The following IGF2BP3 variants were observed in gnomAD, a reference collection of about 807,000 sequenced individuals.
The protein encoded by IGF2BP3 is insulin like growth factor 2 mRNA binding protein 3.
IGF2BP3 carries 9 observed loss-of-function variants against 73.8 expected under a neutral mutation model. The observed-to-expected ratio is 0.12, with a 90% confidence interval of 0.07 to 0.21. The LOEUF (loss-of-function observed/expected upper bound fraction) is 0.21. Ranked by LOEUF, IGF2BP3 falls within the 10% of genes least tolerant of loss-of-function variation. IGF2BP3 has a pLI of 1.00. For missense variants in IGF2BP3, 542 were observed against 714.0 expected (o/e 0.76, Z 2.75); for synonymous variants, 258 against 256.7 (o/e 1.01, Z -0.05).
chr7:23,386,741 C>G (rs1583973828), intron 3 of IGF2BP3, among the ~76,000 whole-genome samples: 1 of 151,964 alleles, frequency 6.6e-6, no homozygotes, highest in Non-Finnish European at 1.5e-5. Flanking sequence ...GTGGTGCAAA[C>G]TAACAAATAC....
chr7:23,399,640 C>G (rs976430547), intron 3 of IGF2BP3, among the ~76,000 whole-genome samples: 17 of 152,070 alleles, frequency 1.1e-4, no homozygotes, highest in Non-Finnish European at 2.1e-4. Context: ...TTTGTTACAG[C>G]AGCATAGGAA....
chr7:23,466,243 G>A (rs1306997000), intron 2 of IGF2BP3, among the ~76,000 whole-genome samples: 1 of 151,986 alleles, frequency 6.6e-6, no homozygotes, highest in Non-Finnish European at 1.5e-5. Flanking sequence ...GGCTGGTCTC[G>A]AACTCCTGAC....
chr7:23,384,861 G>A (rs1412799212), intron 3 of IGF2BP3, among the ~76,000 whole-genome samples: 3 of 151,114 alleles, frequency 2.0e-5, no homozygotes, highest in East Asian at 1.9e-4. Flanking sequence ...ACTGTACTCC[G>A]GCCTGGGTGA....
intron 3 of IGF2BP3, among the ~76,000 whole-genome samples, chr7:23,374,949 C>G (rs968518375): frequency 5.3e-5 from 8 of 152,230 alleles, no homozygotes; most frequent in African/African-American, 1.9e-4. Flanking sequence ...AGCCGGTCCC[C>G]CCGTTCAGGG....
intron 2 of IGF2BP3, among the ~76,000 whole-genome samples, chr7:23,453,374 C>T (rs1408490108): frequency 6.6e-6 from 1 of 152,036 alleles, no homozygotes; most frequent in African/African-American, 2.4e-5. Flanking sequence ...ATCTTTTTTG[C>T]TCGAAAAGTA....
chr7:23,452,320 T>C (rs1788220617), intron 2 of IGF2BP3, among the ~76,000 whole-genome samples: 1 of 152,192 alleles, frequency 6.6e-6, no homozygotes, highest in Admixed American at 6.5e-5. Context: ...GGGTATGTTT[T>C]CTTTTGATGG....
rs930590321 is a variant in IGF2BP3 at position 23,469,643 on chromosome 7, C to CG, written c.175+292dup. 2.9e-5 allele frequency: 5 copies of CG among 171,460 alleles called. No homozygotes were observed. The highest frequency in any genetic ancestry group is 4.9e-5 in the Non-Finnish European group (4 of 81,160). The allele number at this position is 171,460 out of a possible 1,614,324, so 10.6% of individuals were successfully genotyped here. A position where few individuals can be genotyped will look rare whatever the true frequency, so the allele number is the denominator to read the frequency against. ...ACGCGCCTGGGCCCGGGCGGGGCGCCGGGGGAGCGCGCCTCCCCCAGCCCC... is the reference window on the plus strand; with the variant it reads ...ACGCGCCTGGGCCCGGGCGGGGCGCCGGGGGGAGCGCGCCTCCCCCAGCCCC... On this transcript the variant is annotated intron_variant, in intron 1 of 14. Coordinates refer to ENST00000258729, the MANE Select transcript of IGF2BP3 (RefSeq NM_006547.3). The surrounding 1 kb of genome is among the most constrained non-coding windows in gnomAD (Gnocchi z 6.1).
chr7:23,426,164 T>C (rs183273058), intron 2 of IGF2BP3, among the ~76,000 whole-genome samples: 2 of 151,684 alleles, frequency 1.3e-5, no homozygotes, highest in Non-Finnish European at 2.9e-5. Context: ...CCATCTGTAC[T>C]GAAAATACAA....
chr7:23,373,386 G>A (rs1029645776), intron 3 of IGF2BP3, among the ~76,000 whole-genome samples: 6 of 152,168 alleles, frequency 3.9e-5, no homozygotes, highest in Non-Finnish European at 8.8e-5. Flanking sequence ...GTTTTTAGAA[G>A]TGTGTGTGTC....
At chr7:23,315,249 A>G (rs1783953589) in intron 12 of IGF2BP3, among the ~76,000 whole-genome samples, 1 of 151,612 alleles carries the variant, frequency 6.6e-6, no homozygotes, top group Non-Finnish European at 1.5e-5. Flanking sequence ...CTGGGATTAC[A>G]GGCATCCACC....
rs548849381 is a variant in IGF2BP3 at position 23,338,757 on chromosome 7, T to TG, written c.1203+3306dup. Among the ~76,000 whole-genome samples the TG allele has an allele frequency of 1.3e-3, 196 of 152,332 alleles. 1 individual carries two copies. The highest frequency in any genetic ancestry group is 4.6e-3 in the African/African-American group (191 of 41,564). ...GTCTGGGATAATTATAATTTAAGTA[T>TG]GGGAAAAACATTTTTTTCCCCTTAA... On this transcript the variant is annotated intron_variant, in intron 10 of 14. Transcript: ENST00000258729.
rs866738454 is a variant in IGF2BP3, at chr7:23,418,795, G to A, written c.266C>T (p.Pro89Leu). The change falls in exon 3 of 15, where the codon CCG (proline) becomes CTG (leucine). Residue 89 changes from proline (P) to leucine (L), a missense_variant. Coordinates refer to ENST00000258729, the MANE Select transcript of IGF2BP3 (RefSeq NM_006547.3). ...TCTTACCTCCCACTGTAAATGAGGCGGGATATTTCGTATCTGAAGTTTCCG... is the reference window on the plus strand; with the variant it reads ...TCTTACCTCCCACTGTAAATGAGGCAGGATATTTCGTATCTGAAGTTTCCG... ...RIRKLQIRNI[P>L]PHLQWEVLDS... 2 of 1,581,456 alleles carry A rather than the reference G, an allele frequency of 1.3e-6. No individual in the cohort carries two copies. The highest frequency in any genetic ancestry group is 2.3e-5 in the East Asian group (1 of 44,410).
At chr7:23,384,678 C>A (rs1422613375) in intron 3 of IGF2BP3, among the ~76,000 whole-genome samples, 1 of 152,024 alleles carries the variant, frequency 6.6e-6, no homozygotes, top group Non-Finnish European at 1.5e-5. Flanking sequence ...GTTACTTGAA[C>A]CCAGGAGTTC....
intron 10 of IGF2BP3, among the ~76,000 whole-genome samples, chr7:23,322,000 CT>C (rs1316556826): frequency 6.6e-6 from 1 of 152,180 alleles, no homozygotes; most frequent in East Asian, 1.9e-4. Flanking sequence ...ACTGGAAACT[CT>C]TAAAAAGCAG....
chr7:23,435,580 C>A (rs776361909), intron 2 of IGF2BP3, among the ~76,000 whole-genome samples: 1 of 151,638 alleles, frequency 6.6e-6, no homozygotes, highest in African/African-American at 2.4e-5. Context: ...TTCAGCCTCC[C>A]GAGTAGCTGG....
intron 14 of IGF2BP3, 49 bp downstream of exon 14, chr7:23,312,686 T>G (rs1783865403): frequency 7.7e-7 from 1 of 1,302,038 alleles, no homozygotes; most frequent in East Asian, 2.3e-5. Flanking sequence ...TGTGGGAGAA[T>G]TGCTTCCACG....
intron 5 of IGF2BP3, 105 bp downstream of exon 5, chr7:23,361,429 T>C: frequency 1.2e-6 from 1 of 850,928 alleles, no homozygotes; most frequent in Non-Finnish European, 1.9e-6. Context: ...AAAATAAAGT[T>C]TCTCTCTGCC....
At chr7:23,434,810 C>A (rs543489090) in intron 2 of IGF2BP3, among the ~76,000 whole-genome samples, 1 of 152,248 alleles carries the variant, frequency 6.6e-6, no homozygotes, top group East Asian at 1.9e-4. Context: ...ATGTTTACCA[C>A]ACTTAAGGAC....
chr7:23,428,479 GA>G (rs1159398485), intron 2 of IGF2BP3, among the ~76,000 whole-genome samples: 1 of 147,898 alleles, frequency 6.8e-6, no homozygotes, highest in Non-Finnish European at 1.5e-5. Context: ...CTCAAAAAAA[GA>G]AAAAAATATT....
Sources: gnomAD v4.1 joint callset for allele counts (sites outside exome capture counted in the v4.1 genomes callset) on GRCh38, gnomAD v4.1.1 for gene constraint, Gnocchi (gnomAD v3.1) non-coding constraint, MANE v1.5 for transcripts, NCBI Gene and HGNC (gene_info 2026-07-23, HGNC 2026-07-21) for gene names.